PTPRD: variants seen among roughly 807,000 people sequenced by gnomAD.
The protein encoded by PTPRD is protein tyrosine phosphatase receptor type D, also known as receptor-type tyrosine-protein phosphatase delta.
PTPRD carries 34 observed loss-of-function variants against 214.5 expected under a neutral mutation model. That is an observed-to-expected ratio of 0.16 (90% CI 0.12 to 0.21). The LOEUF is 0.21. Among genes scored for constraint, PTPRD ranks in the 10% least tolerant of loss-of-function variants. The pLI is 1.00. For synonymous variants in PTPRD, 1,128 were observed against 845.7 expected, an observed-to-expected ratio of 1.33 and a Z score of -5.79; for missense variants, 2,545 against 2,398.7, an observed-to-expected ratio of 1.06 and a Z score of -1.27.
At chr9:10,082,837 ACAAAC>A (rs2098264787) in intron 3 of PTPRD, among the ~76,000 whole-genome samples, 1 of 138,200 alleles carries the variant, frequency 7.2e-6, no homozygotes, top group Non-Finnish European at 1.5e-5. Flanking sequence ...ACACACACAC[ACAAAC>A]ACACACACAC....
chr9:9,362,013 A>G (rs1221682324), intron 9 of PTPRD, among the ~76,000 whole-genome samples: 1 of 151,090 alleles, frequency 6.6e-6, no homozygotes, highest in East Asian at 1.9e-4. Flanking sequence ...CTTGAGTCCA[A>G]TCAGAGAGAG....
At chr9:8,483,016 T>C (rs1277363299) in intron 30 of PTPRD, among the ~76,000 whole-genome samples, 3 of 152,256 alleles carry the variant, frequency 2.0e-5, no homozygotes, top group African/African-American at 7.2e-5. Context: ...TCTCACTCTA[T>C]GGTAAGGTCT....
intron 39 of PTPRD, 76 bp from the exon 40 acceptor site, chr9:8,342,054 TTC>T (rs2132541616): frequency 2.2e-6 from 3 of 1,389,426 alleles, no homozygotes; most frequent in Non-Finnish European, 2.8e-6. Context: ...ATTTTTATTA[TTC>T]TTATTAACTA....
intron 10 of PTPRD, among the ~76,000 whole-genome samples, chr9:9,100,336 G>A (rs924671224): frequency 1.3e-5 from 2 of 152,120 alleles, no homozygotes; most frequent in Non-Finnish European, 2.9e-5. Flanking sequence ...AGAATTTATA[G>A]AAAAGAGCAT....
At chr9:8,540,913 AC>A (rs2078245270) in intron 14 of PTPRD, among the ~76,000 whole-genome samples, 1 of 152,178 alleles carries the variant, frequency 6.6e-6, no homozygotes, top group African/African-American at 2.4e-5. Flanking sequence ...TTAAAGGCAA[AC>A]TGTGGTAGGT....
intron 3 of PTPRD, among the ~76,000 whole-genome samples, chr9:10,090,923 C>T (rs1194927678): frequency 1.7e-5 from 2 of 117,950 alleles, no homozygotes; most frequent in East Asian, 2.2e-4. Context: ...GAAATATACA[C>T]ACACACACAC....
intron 34 of PTPRD, chr9:8,437,137 G>T: frequency 8.3e-7 from 1 of 1,205,754 alleles, no homozygotes; most frequent in Non-Finnish European, 1.1e-6. Flanking sequence ...GCCTAAAAGG[G>T]AAAGAGTAGT....
At position 9,748,919 on chromosome 9, in the gene PTPRD, A is replaced by ATCTACATT. The variant is rs376028430; in HGVS notation, c.-325-14356_-325-14349dup. ...TATTCATTTATTGTGTACTACTGTAATCTACATTTGACAACATGGCTGGTG... is the reference window on the plus strand; with the variant it reads ...TATTCATTTATTGTGTACTACTGTAATCTACATTTCTACATTTGACAACATGGCTGGTG... On this transcript the variant is annotated intron_variant, in intron 6 of 45. Transcript: ENST00000381196. 1.3e-3 allele frequency among the ~76,000 whole-genome samples: 192 copies of ATCTACATT among 152,282 alleles called. 1 individual carries two copies. The highest frequency in any genetic ancestry group is 4.3e-3 in the African/African-American group (179 of 41,556).
chr9:9,049,936 C>T (rs2099681502), intron 10 of PTPRD, among the ~76,000 whole-genome samples: 1 of 152,168 alleles, frequency 6.6e-6, no homozygotes, highest in African/African-American at 2.4e-5. Flanking sequence ...TTAATGGTTC[C>T]TGAGTCACTT....
intron 8 of PTPRD, among the ~76,000 whole-genome samples, chr9:9,480,104 A>G (rs1046889495): frequency 5.3e-5 from 8 of 152,112 alleles, no homozygotes; most frequent in South Asian, 2.1e-4. Context: ...ACTGCCCACA[A>G]AATTTGTTCC....
intron 36 of PTPRD, among the ~76,000 whole-genome samples, chr9:8,401,380 C>T (rs2092364799): frequency 1.3e-5 from 2 of 151,968 alleles, no homozygotes; most frequent in Admixed American, 6.6e-5. Context: ...ATCCTATTGC[C>T]CTCTTCTTCA....
chr9:9,840,684 A>T (rs1486832606), intron 5 of PTPRD, among the ~76,000 whole-genome samples: 1 of 146,884 alleles, frequency 6.8e-6, no homozygotes, highest in Non-Finnish European at 1.5e-5. Flanking sequence ...AATCGCTTGA[A>T]CACGGGAGGC....
chr9:8,386,002 G>A (rs1446126233), intron 37 of PTPRD, among the ~76,000 whole-genome samples: 1 of 152,254 alleles, frequency 6.6e-6, no homozygotes. Flanking sequence ...TTATTTGGAG[G>A]CTATCTTTTG....
intron 11 of PTPRD, among the ~76,000 whole-genome samples, chr9:8,967,567 C>T (rs570838339): frequency 3.3e-5 from 5 of 151,520 alleles, no homozygotes; most frequent in African/African-American, 1.2e-4. Context: ...AATTAACACA[C>T]CAAATCAATC....
intron 3 of PTPRD, among the ~76,000 whole-genome samples, chr9:10,147,918 G>A (rs1483197104): frequency 6.6e-6 from 1 of 152,038 alleles, no homozygotes; most frequent in Non-Finnish European, 1.5e-5. Context: ...AGCTATATTT[G>A]TTTTGCACAT....
At chr9:8,702,023 A>G (rs1056159556) in intron 12 of PTPRD, among the ~76,000 whole-genome samples, 1 of 152,188 alleles carries the variant, frequency 6.6e-6, no homozygotes, top group East Asian at 1.9e-4. Flanking sequence ...ATCTGATAGA[A>G]GGCCTTGGCA....
chr9:9,492,975 T>C (rs1343877920), intron 8 of PTPRD, among the ~76,000 whole-genome samples: 1 of 146,610 alleles, frequency 6.8e-6, no homozygotes, highest in Non-Finnish European at 1.5e-5. Flanking sequence ...TAGATAAATG[T>C]ATGTGGTCTG....
intron 14 of PTPRD, among the ~76,000 whole-genome samples, chr9:8,625,809 G>A (rs1334764241): frequency 6.6e-6 from 1 of 151,262 alleles, no homozygotes; most frequent in Non-Finnish European, 1.5e-5. Flanking sequence ...AGCTCATTTT[G>A]GAAGATGACA....
At chr9:10,003,429 G>A (rs975268136) in intron 4 of PTPRD, among the ~76,000 whole-genome samples, 1 of 151,736 alleles carries the variant, frequency 6.6e-6, no homozygotes, top group Non-Finnish European at 1.5e-5. Flanking sequence ...TAAGAAAAAT[G>A]GGTTGGAGAT....
Sources: allele counts gnomAD v4.1 joint callset (sites outside exome capture counted in the v4.1 genomes callset), GRCh38; gene constraint gnomAD v4.1.1; transcripts MANE v1.5; gene names NCBI Gene and HGNC (gene_info 2026-07-23, HGNC 2026-07-21).